The following BCR variants were observed in gnomAD, a reference collection of about 807,000 sequenced individuals.
The protein encoded by BCR is breakpoint cluster region protein.
Under a neutral mutation model 138.6 loss-of-function variants are expected in BCR, and 58 were observed. That is an observed-to-expected ratio of 0.42 (90% CI 0.34 to 0.52). The LOEUF (loss-of-function observed/expected upper bound fraction) is 0.52. Ranked by LOEUF, BCR falls within the 20% of genes least tolerant of loss-of-function variation. The pLI is 0.06. For synonymous variants in BCR, 786 were observed against 730.1 expected (o/e 1.08, Z -1.23); for missense variants, 1,599 against 1,727.2 (o/e 0.93, Z 1.32).
intron 1 of BCR, among the ~76,000 whole-genome samples, chr22:23,239,158 C>T (rs2073059573): frequency 6.6e-6 from 1 of 152,176 alleles, no homozygotes; most frequent in South Asian, 2.1e-4. Context: ...AGCAAAGCCC[C>T]TCAGGCCCTG....
At chr22:23,298,818 G>C (rs1383396998) in intron 16 of BCR, among the ~76,000 whole-genome samples, 1 of 152,116 alleles carries the variant, frequency 6.6e-6, no homozygotes, top group South Asian at 2.1e-4. Flanking sequence ...GGCTGGTCTC[G>C]AACTCCTGAC....
intron 1 of BCR, among the ~76,000 whole-genome samples, chr22:23,226,425 C>T (rs2072895836): frequency 6.6e-6 from 1 of 151,768 alleles, no homozygotes; most frequent in Non-Finnish European, 1.5e-5. Context: ...GGTGTTTTAC[C>T]TGTGCTGATT....
chr22:23,315,023 C>T (rs2074053168), intron 22 of BCR, among the ~76,000 whole-genome samples: 1 of 152,160 alleles, frequency 6.6e-6, no homozygotes. Flanking sequence ...GTGTTTGAAA[C>T]CAGTCTGGGC....
intron 1 of BCR, among the ~76,000 whole-genome samples, chr22:23,253,395 C>T (rs2073254091): frequency 6.6e-6 from 1 of 152,212 alleles, no homozygotes; most frequent in African/African-American, 2.4e-5. Context: ...AACCAGCCCC[C>T]TTCCTGAGGC....
Position 23,261,555 on chromosome 22 carries a change from G to A in BCR, c.1752+15G>A, listed in dbSNP as rs2073357038. The A allele has an allele frequency of 1.2e-6, 2 of 1,609,352 alleles. No individual in the cohort carries two copies. The highest frequency in any genetic ancestry group is 3.3e-5 in the Admixed American group (2 of 59,964). Reference sequence around the variant, plus strand: ...TCCAGAAGCTGGTGAGTAACCCAGGGCCGGTGCTGGGACTACAGGCGTGTA... The same window carrying A: ...TCCAGAAGCTGGTGAGTAACCCAGGACCGGTGCTGGGACTACAGGCGTGTA... On this transcript the variant is annotated intron_variant, in intron 4 of 22. Transcript: ENST00000305877.
chr22:23,231,068 T>G, intron 1 of BCR, among the ~76,000 whole-genome samples: 1 of 152,222 alleles, frequency 6.6e-6, no homozygotes, highest in East Asian at 1.9e-4. Flanking sequence ...AACCTTATAG[T>G]GCTGTGTTGG....
intron 1 of BCR, among the ~76,000 whole-genome samples, chr22:23,201,690 T>C (rs1426912646): frequency 2.0e-5 from 3 of 152,056 alleles, no homozygotes; most frequent in East Asian, 1.9e-4. Flanking sequence ...CTCCTGACCT[T>C]GTGATCCGCC....
At chr22:23,223,057 A>G (rs1302633020) in intron 1 of BCR, among the ~76,000 whole-genome samples, 2 of 152,154 alleles carry the variant, frequency 1.3e-5, no homozygotes, top group Non-Finnish European at 2.9e-5. Flanking sequence ...TTCTTATTGT[A>G]AAGGCATTAA....
At chr22:23,252,852 A>G (rs892340842) in intron 1 of BCR, among the ~76,000 whole-genome samples, 2 of 152,206 alleles carry the variant, frequency 1.3e-5, no homozygotes, top group Non-Finnish European at 2.9e-5. Context: ...TCCCACACCA[A>G]GCAGTTCTCT....
chr22:23,243,831 C>T lies in BCR; in HGVS notation c.1280-9968C>T, dbSNP rs145072996. ...CTAATTTTTGTGTTTTTAGTAGAGACGCGATTTCATCATATTGGCCAGACT... is the reference window on the plus strand; with the variant it reads ...CTAATTTTTGTGTTTTTAGTAGAGATGCGATTTCATCATATTGGCCAGACT... On this transcript the variant is annotated intron_variant, in intron 1 of 22. Coordinates refer to ENST00000305877, the MANE Select transcript of BCR (RefSeq NM_004327.4). 2.4e-3 allele frequency among the ~76,000 whole-genome samples: 367 copies of T among 151,956 alleles called. 3 individuals carry two copies. Among genetic ancestry groups the T allele is most frequent in the African/African-American group, 8.2e-3 (340 of 41,434 alleles).
chr22:23,287,659 A>G (rs962159843), intron 11 of BCR, among the ~76,000 whole-genome samples: 2 of 152,192 alleles, frequency 1.3e-5, no homozygotes, highest in African/African-American at 2.4e-5. Context: ...CCTCCTGTCA[A>G]TACATGTCTG....
At chr22:23,258,638 C>T (rs1030842604) in intron 2 of BCR, among the ~76,000 whole-genome samples, 6 of 152,162 alleles carry the variant, frequency 3.9e-5, no homozygotes, top group African/African-American at 9.7e-5. Flanking sequence ...TGTGTGGCAG[C>T]GCCTGGAGAC....
intron 1 of BCR, among the ~76,000 whole-genome samples, chr22:23,236,342 A>AG (rs2073023404): frequency 1.3e-5 from 2 of 152,216 alleles, no homozygotes; most frequent in Non-Finnish European, 2.9e-5. Context: ...ACAGGGCGCC[A>AG]GGGGATGTTT....
chr22:23,212,845 G>C (rs2072702572), intron 1 of BCR, among the ~76,000 whole-genome samples: 1 of 152,222 alleles, frequency 6.6e-6, no homozygotes, highest in South Asian at 2.1e-4. Context: ...GCTGCAAGCT[G>C]CACACCCTGT....
chr22:23,276,388 G>C (rs1241467858), intron 8 of BCR, among the ~76,000 whole-genome samples: 2 of 144,048 alleles, frequency 1.4e-5, no homozygotes, highest in Non-Finnish European at 3.0e-5. Context: ...AACAGAGCGA[G>C]ATTCTGTCTC....
chr22:23,221,523 C>G (rs760287211), intron 1 of BCR, among the ~76,000 whole-genome samples: 6 of 152,220 alleles, frequency 3.9e-5, no homozygotes, highest in Non-Finnish European at 7.3e-5. Context: ...GAGCAAAGGG[C>G]TGGGGGCTTC....
chr22:23,292,701 A>C (rs1405196193), intron 15 of BCR, 63 bp downstream of exon 15: 1 of 1,434,788 alleles, frequency 7.0e-7, no homozygotes, highest in East Asian at 2.3e-5. Context: ...TTTCCACTGG[A>C]GATAATCTAA....
At chr22:23,203,777 G>A in intron 1 of BCR, among the ~76,000 whole-genome samples, 1 of 152,212 alleles carries the variant, frequency 6.6e-6, no homozygotes, top group Non-Finnish European at 1.5e-5. Context: ...AATCTGAAAA[G>A]CATTTTGGCT....
chr22:23,313,613 C>A (rs1359611485), intron 20 of BCR, among the ~76,000 whole-genome samples: 5 of 152,202 alleles, frequency 3.3e-5, no homozygotes, highest in Non-Finnish European at 7.4e-5. Flanking sequence ...GTTCCTCACT[C>A]CCCTGTTTCA....
Sources: allele counts gnomAD v4.1 joint callset (sites outside exome capture counted in the v4.1 genomes callset), GRCh38; gene constraint gnomAD v4.1.1; transcripts MANE v1.5; gene names NCBI Gene and HGNC (gene_info 2026-07-23, HGNC 2026-07-21).